NEO1: variants seen among roughly 807,000 people sequenced by gnomAD.
NEO1 encodes the protein neogenin 1.
In NEO1, 63 loss-of-function variants were observed where a neutral mutation model predicts 159.7. The observed-to-expected ratio is 0.39, with a 90% CI of 0.32 to 0.49. The LOEUF is 0.49. NEO1 is among the 20% of genes least tolerant of loss of function. The probability of loss-of-function intolerance (pLI) is 0.85; values close to 1 mark genes in which losing one functional copy is unlikely to be tolerated. For missense variants in NEO1, 1,615 were observed against 1,831.0 expected (o/e 0.88, Z 2.15); for synonymous variants, 633 against 662.0 (o/e 0.96, Z 0.67).
At chr15:73,116,943 T>C in intron 2 of NEO1, 86 bp downstream of exon 2, 1 of 1,082,314 alleles carries the variant, frequency 9.2e-7, no homozygotes. Flanking sequence ...TGGAGTTTTC[T>C]TTTAATTAGT....
intron 8 of NEO1, among the ~76,000 whole-genome samples, chr15:73,243,766 GAA>G (rs145377847): frequency 6.6e-5 from 10 of 152,312 alleles, no homozygotes; most frequent in African/African-American, 2.4e-4. Context: ...CAAAATCAAT[GAA>G]GTGTTAATTT....
intron 7 of NEO1, among the ~76,000 whole-genome samples, chr15:73,226,869 A>G (rs1158236031): frequency 1.3e-5 from 2 of 152,230 alleles, no homozygotes; most frequent in Non-Finnish European, 2.9e-5. Context: ...AAGAAAGGTT[A>G]TGAAAAAGGA....
chr15:73,186,680 A>G (rs2151993833), intron 7 of NEO1, among the ~76,000 whole-genome samples: 1 of 152,172 alleles, frequency 6.6e-6, no homozygotes, highest in South Asian at 2.1e-4. Context: ...TAGTCATATC[A>G]GTATATATTT....
chr15:73,289,049 G>A, intron 24 of NEO1, 97 bp from the exon 25 acceptor site: 1 of 875,226 alleles, frequency 1.1e-6, no homozygotes, highest in Middle Eastern at 2.2e-4. Flanking sequence ...TATGCTGTTT[G>A]TGAATTCTGA....
intron 7 of NEO1, among the ~76,000 whole-genome samples, chr15:73,190,437 G>C (rs1444671104): frequency 1.3e-5 from 2 of 152,160 alleles, no homozygotes; most frequent in Non-Finnish European, 2.9e-5. Context: ...TTAAATGACT[G>C]CTGGGATGTT....
chr15:73,114,233 G>A (rs2071164753), intron 1 of NEO1, among the ~76,000 whole-genome samples: 1 of 152,166 alleles, frequency 6.6e-6, no homozygotes, highest in African/African-American at 2.4e-5. Context: ...AGAGGCGGGA[G>A]CGGTGGGGAA....
Position 73,236,465 on chromosome 15 carries a change from C to T in NEO1, c.1410C>T (p.Asn470=), listed in dbSNP as rs1438532574. Residue 470 remains asparagine (N), a synonymous_variant, in exon 8 of 29, where the codon AAC becomes AAT. Transcript: ENST00000261908. ...RTPASDPHGD[N]LTYSVFYTKE... is the part of the protein sequence containing the mutation. ...CTGCATCAGATCCTCACGGAGACAA[C>T]CTTACCTACTCTGTGTTCTACACCA... is the stretch of plus-strand genomic sequence containing the variant. 1 of 1,613,996 alleles carries T rather than the reference C, an allele frequency of 6.2e-7. No individual in the cohort carries two copies. Among genetic ancestry groups the T allele is most frequent in the Non-Finnish European group, 8.5e-7 (1 of 1,180,016 alleles).
chr15:73,137,529 C>T (rs2031898638), intron 5 of NEO1, among the ~76,000 whole-genome samples: 1 of 152,192 alleles, frequency 6.6e-6, no homozygotes. Flanking sequence ...CAGCCTCTCC[C>T]TCTGTCACCT....
chr15:73,299,628 G>A (rs1304452075), intron 27 of NEO1, among the ~76,000 whole-genome samples: 1 of 152,118 alleles, frequency 6.6e-6, no homozygotes, highest in Non-Finnish European at 1.5e-5. Context: ...CTCGTGATCC[G>A]CCCACCTCGG....
chr15:73,178,540 A>G, intron 7 of NEO1, 113 bp downstream of exon 7: 1 of 1,127,078 alleles, frequency 8.9e-7, no homozygotes, highest in Non-Finnish European at 1.2e-6. Context: ...AATATGTGGC[A>G]TAGCTAAGAG....
At chr15:73,260,558 G>T in intron 15 of NEO1, 93 bp downstream of exon 15, 1 of 1,149,544 alleles carries the variant, frequency 8.7e-7, no homozygotes, top group East Asian at 2.6e-5. Flanking sequence ...AGAAAATTGC[G>T]AAAATAGTAC....
At chr15:73,276,539 A>G (rs2041434884) in intron 21 of NEO1, among the ~76,000 whole-genome samples, 1 of 152,202 alleles carries the variant, frequency 6.6e-6, no homozygotes, top group Admixed American at 6.5e-5. Flanking sequence ...AGATAAAGTA[A>G]TATGTGTGGA....
chr15:73,146,006 C>T (rs2032863345), intron 5 of NEO1, among the ~76,000 whole-genome samples: 1 of 152,184 alleles, frequency 6.6e-6, no homozygotes, highest in South Asian at 2.1e-4. Context: ...CTTGTACTAT[C>T]ACTTCTGCCT....
intron 15 of NEO1, among the ~76,000 whole-genome samples, chr15:73,265,942 A>G (rs1354721388): frequency 2.0e-5 from 3 of 152,232 alleles, no homozygotes; most frequent in African/African-American, 7.2e-5. Context: ...CTGTCCTTCC[A>G]GGAATGAAAG....
intron 22 of NEO1, among the ~76,000 whole-genome samples, chr15:73,279,147 A>G (rs1407766982): frequency 6.6e-6 from 1 of 152,108 alleles, no homozygotes; most frequent in Non-Finnish European, 1.5e-5. Context: ...AAAGAACCAG[A>G]CAAACTTAAC....
chr15:73,220,331 C>G (rs2038163977), intron 7 of NEO1, among the ~76,000 whole-genome samples: 1 of 152,150 alleles, frequency 6.6e-6, no homozygotes, highest in African/African-American at 2.4e-5. Flanking sequence ...TTATGGGTAA[C>G]CTGACCTTTC....
In NEO1 at chr15:73,141,907, T is replaced by C. The variant is rs565790157; in HGVS notation, c.1015+5880T>C. Among the ~76,000 whole-genome samples, 3 of 152,332 alleles carry C rather than the reference T, an allele frequency of 2.0e-5. No homozygotes were observed. The South Asian group carries it at 6.2e-4, about 32-fold the overall frequency. ...CAGAGTACATCCAGATCCTTCATAG[T>C]TGGCTTTTTCAGCGTTAACTGGAGA... On this transcript the variant is annotated intron_variant, in intron 5 of 28. Transcript: ENST00000261908.
chr15:73,272,409 T>A lies in NEO1; in HGVS notation c.2858-46T>A, dbSNP rs755219403. ...GGAAAAGGTTGAAGAAATAGTGAAC[T>A]AATTTGAAATGGACAGAAATTATTA... is the stretch of plus-strand genomic sequence containing the variant. On this transcript the variant is annotated intron_variant, in intron 18 of 28. Transcript: ENST00000261908. The A allele has an allele frequency of 2.1e-6, 3 of 1,434,268 alleles. No individual in the cohort carries two copies. In the South Asian group the frequency reaches 3.6e-5, roughly 17 times the overall value. 88.8% of individuals were successfully genotyped at this position (1,434,268 alleles called of 1,614,324 possible).
intron 15 of NEO1, among the ~76,000 whole-genome samples, chr15:73,265,554 A>G (rs1365476907): frequency 2.6e-5 from 4 of 152,240 alleles, no homozygotes; most frequent in African/African-American, 9.6e-5. Flanking sequence ...AGCCTTGCAC[A>G]TGTGTATTAT....
Sources: gnomAD v4.1 joint callset for allele counts (sites outside exome capture counted in the v4.1 genomes callset) on GRCh38, gnomAD v4.1.1 for gene constraint, MANE v1.5 for transcripts, NCBI Gene and HGNC (gene_info 2026-07-23, HGNC 2026-07-21) for gene names.